The following EP400 variants were observed in gnomAD, a reference collection of about 807,000 sequenced individuals.
EP400 encodes the protein E1A-binding protein p400.
In EP400, 105 loss-of-function variants were observed where a neutral mutation model predicts 354.1. The observed-to-expected ratio is 0.30, with a 90% confidence interval of 0.25 to 0.35. EP400 has a LOEUF of 0.35. Among genes scored for constraint, EP400 ranks in the 10% least tolerant of loss-of-function variants. The pLI, the probability that EP400 is intolerant of heterozygous loss-of-function variation, is 1.00. For synonymous variants in EP400, 1,646 were observed against 1,716.9 expected, an observed-to-expected ratio of 0.96 and a Z score of 1.02; for missense variants, 3,280 against 4,121.0, an observed-to-expected ratio of 0.80 and a Z score of 5.59.
intron 2 of EP400, among the ~76,000 whole-genome samples, chr12:131,965,092 A>G (rs944024216): frequency 3.3e-5 from 5 of 152,208 alleles, no homozygotes; most frequent in African/African-American, 7.2e-5. Flanking sequence ...TCTTTGGATC[A>G]TGTATTTTTG....
At chr12:131,991,375 T>C in intron 9 of EP400, 32 bp from the exon 10 acceptor site, 1 of 1,613,008 alleles carries the variant, frequency 6.2e-7, no homozygotes, top group Non-Finnish European at 8.5e-7. Flanking sequence ...ATGGGGGGCC[T>C]TGGGAACGAA....
chr12:131,992,313 T>A, intron 11 of EP400, 83 bp downstream of exon 11: 1 of 1,261,154 alleles, frequency 7.9e-7, no homozygotes, highest in Non-Finnish European at 1.1e-6. Flanking sequence ...TGGGGTTTAG[T>A]CTTGTCATCT....
At chr12:132,073,747 A>G (rs978653278) in intron 51 of EP400, among the ~76,000 whole-genome samples, 1 of 151,662 alleles carries the variant, frequency 6.6e-6, no homozygotes. Context: ...CACCATGCCC[A>G]GCCATAATTC....
rs543342873 is a variant in EP400, at chr12:131,985,488, G to A, written c.1930-1026G>A. ...TTCTGTCTCCCTTCAGCTTTTGAAC[G>A]GGCTAAATCTTGTGTGAGCCTTCAC... On this transcript the variant is annotated intron_variant, in intron 5 of 52. Coordinates refer to ENST00000389561, the MANE Select transcript of EP400 (RefSeq NM_015409.5). Among the ~76,000 whole-genome samples, 12 of 152,350 alleles carry A rather than the reference G, an allele frequency of 7.9e-5. No individual in the cohort carries two copies. The East Asian group carries it at 9.6e-4, about 12-fold the overall frequency.
At chr12:132,055,493 GAGGTGT>G (rs1895460011) in intron 45 of EP400, among the ~76,000 whole-genome samples, 1 of 146,736 alleles carries the variant, frequency 6.8e-6, no homozygotes, top group Non-Finnish European at 1.5e-5. Context: ...GGGTGTGTGT[GAGGTGT>G]AGGTGTGTGT....
rs1280757299 is a variant in EP400, at chr12:132,029,515, G to A, written c.5382-186G>A. 1.6e-6 allele frequency: 1 copy of A among 632,606 alleles called. No homozygotes were observed. The highest frequency in any genetic ancestry group is 1.8e-5 in the African/African-American group (1 of 54,518). 39.2% of individuals were successfully genotyped at this position (632,606 alleles called of 1,614,324 possible). A position where few individuals can be genotyped will look rare whatever the true frequency, so the allele number is the denominator to read the frequency against. On this transcript the variant is annotated intron_variant, in intron 27 of 52. Transcript: ENST00000389561. This position sits in a 1 kb window ranked among gnomAD's most constrained non-coding sequence, Gnocchi z 4.7. ...GAGGTGGTGGTTATTGGCCAGGACTGGTTAGGATCTGCCTCGTTGGGCCCC... is the reference window on the plus strand; with the variant it reads ...GAGGTGGTGGTTATTGGCCAGGACTAGTTAGGATCTGCCTCGTTGGGCCCC...
chr12:131,956,946 A>G (rs1294780570), intron 1 of EP400, among the ~76,000 whole-genome samples: 1 of 135,250 alleles, frequency 7.4e-6, no homozygotes, highest in East Asian at 2.1e-4. Context: ...CCCTTGGCTC[A>G]CTGCAACCTC....
rs577092320 is a variant in EP400 at position 132,044,500 on chromosome 12, TTGTC to T, written c.6586-170_6586-167del. Among the ~76,000 whole-genome samples, 18 of 152,370 alleles carry T rather than the reference TTGTC, an allele frequency of 1.2e-4. No individual in the cohort carries two copies. In the East Asian group the frequency reaches 3.1e-3, roughly 26 times the overall value. ...TTTCTTAAAAATTGACACTTGGAGA[TTGTC>T]AGTTAGATATTGACCAGCTCTGATT... On this transcript the variant is annotated intron_variant, in intron 35 of 52. Transcript: ENST00000389561.
chr12:131,998,914 T>TACAAGA (rs1270048576), intron 12 of EP400, among the ~76,000 whole-genome samples: 2 of 142,322 alleles, frequency 1.4e-5, no homozygotes, highest in Non-Finnish European at 3.1e-5. Context: ...AGTCTTTGTA[T>TACAAGA]ACAGTCTTGT....
chr12:131,961,722 G>C lies in EP400; in HGVS notation c.1103G>C (p.Cys368Ser), dbSNP rs1482859816. ...GAGATGGCACAGATGAGGAAGCAGT[G>C]CCTGGACTATCATTACCAGGAGATG... ...SPEMAQMRKQ[C>S]LDYHYQEMQA... Residue 368 changes from cysteine (C) to serine (S), a missense_variant, in exon 2 of 53, where the codon TGC (cysteine) becomes TCC (serine). Cys to Ser is a moderately radical substitution (Grantham distance 112). Around this residue, in one of 20 missense-constraint regions of EP400, gnomAD observed 85 missense variants for 180.3 expected, o/e 0.47. Coordinates refer to ENST00000389561, the MANE Select transcript of EP400 (RefSeq NM_015409.5). The C allele has an allele frequency of 6.2e-7, 1 of 1,614,258 alleles. No individual in the cohort carries two copies. Among genetic ancestry groups the C allele is most frequent in the Admixed American group, 1.7e-5 (1 of 60,034 alleles).
chr12:132,025,637 T>C lies in EP400; in HGVS notation c.4856-9T>C. The C allele has an allele frequency of 6.3e-7, 1 of 1,592,662 alleles. No individual in the cohort carries two copies. The highest frequency in any genetic ancestry group is 8.5e-7 in the Non-Finnish European group (1 of 1,169,760). ...CTGTCATTGACACCTAGTGGACCTATGATTGCAGGCAGCGTCCTCCAGATC... is the reference window on the plus strand; with the variant it reads ...CTGTCATTGACACCTAGTGGACCTACGATTGCAGGCAGCGTCCTCCAGATC... On this transcript the variant is annotated splice_polypyrimidine_tract_variant and intron_variant, in intron 24 of 52. Transcript: ENST00000389561. The surrounding 1 kb of genome is among the most constrained non-coding windows in gnomAD (Gnocchi z 4.1).
At position 132,076,496 on chromosome 12, in the gene EP400, CTTTT is replaced by C. The variant is rs764316896; in HGVS notation, c.9022-16_9022-13del. 2 of 1,613,304 alleles carry C rather than the reference CTTTT, an allele frequency of 1.2e-6. No homozygotes were observed. The highest frequency in any genetic ancestry group is 1.7e-6 in the Non-Finnish European group (2 of 1,179,480). On this transcript the variant is annotated splice_polypyrimidine_tract_variant and intron_variant, in intron 51 of 52. Coordinates refer to ENST00000389561, the MANE Select transcript of EP400 (RefSeq NM_015409.5). ...ATACTCCTTTGAATTGTATGTTTGG[CTTTT>C]TTTGTTTTGTCAAAGGTTGCAAAAC... is the stretch of plus-strand genomic sequence containing the variant.
intron 39 of EP400, among the ~76,000 whole-genome samples, chr12:132,046,516 A>G (rs1451128924): frequency 6.6e-6 from 1 of 152,174 alleles, no homozygotes; most frequent in Non-Finnish European, 1.5e-5. Context: ...GACAAGCATA[A>G]TATTCTCTGT....
intron 23 of EP400, among the ~76,000 whole-genome samples, chr12:132,022,612 T>C (rs1185498240): frequency 6.6e-6 from 1 of 152,206 alleles, no homozygotes; most frequent in Non-Finnish European, 1.5e-5. Context: ...TGACCACATC[T>C]GAGTTATGTT....
Position 131,960,697 on chromosome 12 carries a change from G to A in EP400, c.78G>A (p.Glu26=). The change falls in exon 2 of 53, where the codon GAG becomes GAA. Residue 26 remains glutamate (E), a synonymous_variant. Coordinates refer to ENST00000389561, the MANE Select transcript of EP400 (RefSeq NM_015409.5). ...GGGCCTGCCCTGGCAGCGAGGGTGA[G>A]GAGCAGCCGGCCCACCCCAACCCAC... ...RSRACPGSEG[E]EQPAHPNPPP... The A allele has an allele frequency of 6.4e-7, 1 of 1,566,536 alleles. No individual in the cohort carries two copies. The highest frequency in any genetic ancestry group is 2.3e-5 in the East Asian group (1 of 42,976).
At chr12:131,953,709 G>T (rs193287667) in intron 1 of EP400, among the ~76,000 whole-genome samples, 1 of 152,252 alleles carries the variant, frequency 6.6e-6, no homozygotes, top group East Asian at 1.9e-4. Context: ...TAGATCTTGG[G>T]TTAGTAGCTT....
chr12:131,960,434 C>T (rs1159413314), intron 1 of EP400, among the ~76,000 whole-genome samples, 151 bp from the exon 2 acceptor site: 1 of 152,240 alleles, frequency 6.6e-6, no homozygotes, highest in African/African-American at 2.4e-5. Flanking sequence ...ACACATTTCT[C>T]CAGCTGTGCC....
chr12:132,059,888 T>C (rs547998352), intron 45 of EP400, among the ~76,000 whole-genome samples: 182 of 149,582 alleles, frequency 1.2e-3, no homozygotes, highest in Admixed American at 2.6e-3. Flanking sequence ...CCAGGTGTGG[T>C]GGCACGCGTG....
chr12:132,029,576 G>C lies in EP400; in HGVS notation c.5382-125G>C. 1 of 1,077,440 alleles carries C rather than the reference G, an allele frequency of 9.3e-7. No homozygotes were observed. Among genetic ancestry groups the C allele is most frequent in the Non-Finnish European group, 1.4e-6 (1 of 737,016 alleles). The allele number at this position is 1,077,440 out of a possible 1,614,324, so 66.7% of individuals were successfully genotyped here. On this transcript the variant is annotated intron_variant, in intron 27 of 52. Coordinates refer to ENST00000389561, the MANE Select transcript of EP400 (RefSeq NM_015409.5). The surrounding 1 kb of genome is among the most constrained non-coding windows in gnomAD (Gnocchi z 4.7). ...CCAACACCCACATCCCCATGTGACT[G>C]GGTTGAGCCCTGCTGTTTCCTGGGA... is the stretch of plus-strand genomic sequence containing the variant.
Sources: gnomAD v4.1 joint callset for allele counts (sites outside exome capture counted in the v4.1 genomes callset) on GRCh38, gnomAD v4.1.1 for gene constraint, gnomAD v4.1.1 regional missense constraint, Gnocchi (gnomAD v3.1) non-coding constraint, MANE v1.5 for transcripts, NCBI Gene and HGNC (gene_info 2026-07-23, HGNC 2026-07-21) for gene names.